PTPRK: variants seen among roughly 807,000 people sequenced by gnomAD.
The protein encoded by PTPRK is protein tyrosine phosphatase receptor type K, also known as receptor-type tyrosine-protein phosphatase kappa.
PTPRK carries 75 observed loss-of-function variants against 178.0 expected under a neutral mutation model. That is an observed-to-expected ratio of 0.42 (90% CI 0.35 to 0.51). The LOEUF is 0.51. Among genes scored for constraint, PTPRK ranks in the 20% least tolerant of loss-of-function variants. The pLI is 0.02. For missense variants in PTPRK, 1,441 were observed against 1,797.8 expected (o/e 0.80, Z 3.59); for synonymous variants, 637 against 620.6 (o/e 1.03, Z -0.39).
rs139653545 is a variant in PTPRK, at chr6:128,214,468, C to T, written c.868+4454G>A. Among the ~76,000 whole-genome samples, 21 of 152,194 alleles carry T rather than the reference C, an allele frequency of 1.4e-4. No individual in the cohort carries two copies. In the East Asian group the frequency reaches 3.3e-3, roughly 24 times the overall value. ...AATAAACAACTAATTCTGAGTAACA[C>T]TGTTTACGCTCTGGAGTCCTGTGTA... is the stretch of plus-strand genomic sequence containing the variant. On this transcript the variant is annotated intron_variant, in intron 6 of 29. Coordinates refer to ENST00000368226, the MANE Select transcript of PTPRK (RefSeq NM_002844.4).
At chr6:128,031,140 A>G (rs1048274537) in intron 13 of PTPRK, among the ~76,000 whole-genome samples, 1 of 152,234 alleles carries the variant, frequency 6.6e-6, no homozygotes. Flanking sequence ...ACAGTAGCTG[A>G]AACAGAAATA....
chr6:128,095,745 AAC>A (rs1787808022), intron 7 of PTPRK, among the ~76,000 whole-genome samples: 1 of 152,180 alleles, frequency 6.6e-6, no homozygotes, highest in African/African-American at 2.4e-5. Flanking sequence ...AAAGGACTGG[AAC>A]CAGAAGTAAA....
chr6:127,985,814 C>G lies in PTPRK; in HGVS notation c.3158G>C (p.Gly1053Ala), dbSNP rs1475581280. ...QFHFTGWPDHGVPYHATGLLS... is the reference protein window; with the variant it reads ...QFHFTGWPDHAVPYHATGLLS... Reference sequence around the variant, plus strand: ...CAGCCCTGTAGCATGGTAGGGCACTCCATGGTCAGGCCAGCCCGTGAAATG... The same window carrying G: ...CAGCCCTGTAGCATGGTAGGGCACTGCATGGTCAGGCCAGCCCGTGAAATG... Residue 1053 changes from glycine to alanine, a missense_variant, in exon 22 of 30, where the codon GGA becomes GCA. Gly to Ala is a moderately conservative substitution (Grantham distance 60, BLOSUM62 0). Coordinates refer to ENST00000368226, the MANE Select transcript of PTPRK (RefSeq NM_002844.4). 6.2e-7 allele frequency: 1 copy of G among 1,613,954 alleles called. No individual in the cohort carries two copies.
chr6:128,051,870 AT>A (rs542529908), intron 13 of PTPRK, among the ~76,000 whole-genome samples: 38 of 150,006 alleles, frequency 2.5e-4, no homozygotes, highest in African/African-American at 2.2e-4. Flanking sequence ...GGCATAAATC[AT>A]TTTTTTTTTA....
chr6:128,111,462 A>G (rs538635592), intron 7 of PTPRK, among the ~76,000 whole-genome samples: 1 of 152,338 alleles, frequency 6.6e-6, no homozygotes, highest in Admixed American at 6.5e-5. Flanking sequence ...TAGCTGTAGA[A>G]CTTAAACTGT....
intron 29 of PTPRK, among the ~76,000 whole-genome samples, chr6:127,971,654 G>A (rs759798309): frequency 3.3e-5 from 5 of 152,050 alleles, no homozygotes; most frequent in Non-Finnish European, 7.4e-5. Context: ...GGATTCACGG[G>A]ACATGAATGT....
At chr6:128,025,028 TACA>T (rs1415541370) in intron 13 of PTPRK, among the ~76,000 whole-genome samples, 1 of 152,238 alleles carries the variant, frequency 6.6e-6, no homozygotes. Context: ...TATTTTGCAG[TACA>T]ACAAGTTTGT....
chr6:128,008,173 A>AT, intron 14 of PTPRK: 1 of 700,200 alleles, frequency 1.4e-6, no homozygotes, highest in Admixed American at 2.8e-5. Context: ...CTTATCTATA[A>AT]TGTTAATGCT....
chr6:127,972,357 C>G (rs533238389), intron 29 of PTPRK, among the ~76,000 whole-genome samples: 1 of 152,310 alleles, frequency 6.6e-6, no homozygotes, highest in Non-Finnish European at 1.5e-5. Context: ...CCACAGATAT[C>G]TCTCGTTAGA....
intron 13 of PTPRK, 87 bp downstream of exon 13, chr6:128,064,671 T>G: frequency 6.7e-7 from 1 of 1,487,018 alleles, no homozygotes; most frequent in Non-Finnish European, 8.9e-7. Context: ...AAATGTCATA[T>G]TTAGCCCTGA....
rs1827781653 is a variant in PTPRK, at chr6:128,314,855, G to A, written c.495+7184C>T. Among the ~76,000 whole-genome samples, 4 of 149,198 alleles carry A rather than the reference G, an allele frequency of 2.7e-5. No individual in the cohort carries two copies. In the South Asian group the frequency reaches 8.5e-4, roughly 32 times the overall value. ...CACCACTATTTAAAAAAAAAAAAAA[G>A]GAGACCTTCTACTTCTAATTCTCAC... On this transcript the variant is annotated intron_variant, in intron 3 of 29. Coordinates refer to ENST00000368226, the MANE Select transcript of PTPRK (RefSeq NM_002844.4).
intron 3 of PTPRK, among the ~76,000 whole-genome samples, chr6:128,308,735 A>G (rs12196548): frequency 0.04 from 6,013 of 152,218 alleles, 158 homozygotes; most frequent in Middle Eastern, 0.071. Context: ...AGTAAAAACC[A>G]CCCTACGAAG....
chr6:128,259,077 G>C lies in PTPRK; in HGVS notation c.496-16475C>G, dbSNP rs148243604. On this transcript the variant is annotated intron_variant, in intron 3 of 29. Coordinates refer to ENST00000368226, the MANE Select transcript of PTPRK (RefSeq NM_002844.4). ...AATAAGGGAAGCTGGGAGAAGTGTG[G>C]GGAGGTCCATGTTTGAGGAGGGAGA... is the stretch of plus-strand genomic sequence containing the variant. 1.9e-4 allele frequency among the ~76,000 whole-genome samples: 29 copies of C among 151,886 alleles called. No individual in the cohort carries two copies. The East Asian group carries it at 5.2e-3, about 27-fold the overall frequency.
intron 1 of PTPRK, among the ~76,000 whole-genome samples, chr6:128,503,373 TAACTA>T (rs914307988): frequency 4.9e-4 from 75 of 152,348 alleles, no homozygotes; most frequent in African/African-American, 1.6e-3. Flanking sequence ...CCGAGAAACT[TAACTA>T]ATCACCCAGG....
At chr6:128,132,072 A>T (rs956581837) in intron 7 of PTPRK, among the ~76,000 whole-genome samples, 2 of 152,242 alleles carry the variant, frequency 1.3e-5, no homozygotes, top group African/African-American at 4.8e-5. Flanking sequence ...TAAAGCTATG[A>T]AATAAAATGC....
chr6:128,002,465 A>G (rs1052488739), intron 15 of PTPRK, among the ~76,000 whole-genome samples: 1 of 151,954 alleles, frequency 6.6e-6, no homozygotes, highest in Admixed American at 6.6e-5. Flanking sequence ...ATAATTAGTC[A>G]AGGAACAGGG....
chr6:128,025,909 A>G (rs1774213162), intron 13 of PTPRK, among the ~76,000 whole-genome samples: 1 of 152,162 alleles, frequency 6.6e-6, no homozygotes. Flanking sequence ...AAGATCCTTT[A>G]CTTAATCACA....
intron 5 of PTPRK, among the ~76,000 whole-genome samples, chr6:128,231,416 C>G (rs143460509): frequency 1.3e-5 from 2 of 152,266 alleles, no homozygotes; most frequent in East Asian, 3.9e-4. Flanking sequence ...TAGCAAGCTA[C>G]TATTCATCTA....
In PTPRK at chr6:128,520,568, C is replaced by T; in HGVS notation, c.-210G>A. 5.3e-6 allele frequency: 3 copies of T among 561,764 alleles called. No individual in the cohort carries two copies. The highest frequency in any genetic ancestry group is 9.7e-6 in the Non-Finnish European group (3 of 310,812). 34.8% of individuals were successfully genotyped at this position (561,764 alleles called of 1,614,324 possible). A position where few individuals can be genotyped will look rare whatever the true frequency, so the allele number is the denominator to read the frequency against. On this transcript the variant is annotated 5_prime_UTR_variant, in exon 1 of 30. Transcript: ENST00000368226. ...TCGCCGGCCGGCCGCGGCGGCAGCT[C>T]TCCATGCTCGGCGGAGGCTGCTCCT... is the stretch of plus-strand genomic sequence containing the variant.
Sources: allele counts gnomAD v4.1 joint callset (sites outside exome capture counted in the v4.1 genomes callset), GRCh38; gene constraint gnomAD v4.1.1; transcripts MANE v1.5; gene names NCBI Gene and HGNC (gene_info 2026-07-23, HGNC 2026-07-21).